The following CPNE4 variants were observed in gnomAD, a reference collection of about 807,000 sequenced individuals.
The protein encoded by CPNE4 is copine-4.
A neutral mutation model predicts 67.9 loss-of-function variants in CPNE4; 25 were observed. The observed-to-expected ratio is 0.37, with a 90% CI of 0.27 to 0.51. The LOEUF (loss-of-function observed/expected upper bound fraction) is 0.51, where lower values mean the gene tolerates loss of function less well. CPNE4 is among the 20% of genes least tolerant of loss of function. The probability of loss-of-function intolerance (pLI) is 0.93; values close to 1 mark genes in which losing one functional copy is unlikely to be tolerated. For synonymous variants in CPNE4, 242 were observed against 244.9 expected (o/e 0.99, Z 0.11); for missense variants, 464 against 690.8 (o/e 0.67, Z 3.68).
chr3:131,865,843 A>G (rs903408894), intron 2 of CPNE4, among the ~76,000 whole-genome samples: 1 of 152,228 alleles, frequency 6.6e-6, no homozygotes, highest in African/African-American at 2.4e-5. Flanking sequence ...TGGGAAGAAT[A>G]GAAATCAGGA....
At chr3:132,023,630 A>G (rs1407298249) in intron 1 of CPNE4, among the ~76,000 whole-genome samples, 1 of 150,914 alleles carries the variant, frequency 6.6e-6, no homozygotes. Flanking sequence ...TGGGACCACA[A>G]GCACCCGCCA....
At chr3:131,810,546 G>A (rs1395917739) in intron 2 of CPNE4, among the ~76,000 whole-genome samples, 2 of 152,068 alleles carry the variant, frequency 1.3e-5, no homozygotes, top group African/African-American at 4.8e-5. Flanking sequence ...AAGTGTTAGT[G>A]AGGATTTGGC....
chr3:132,010,731 A>C (rs1287648654), intron 1 of CPNE4, among the ~76,000 whole-genome samples: 2 of 152,182 alleles, frequency 1.3e-5, no homozygotes, highest in Non-Finnish European at 2.9e-5. Context: ...AAGCTGAGCA[A>C]AATCAGGCCA....
intron 5 of CPNE4, among the ~76,000 whole-genome samples, chr3:131,691,429 AG>A (rs1241361837): frequency 2.0e-5 from 3 of 152,190 alleles, no homozygotes; most frequent in African/African-American, 7.2e-5. Context: ...CATGATCCTA[AG>A]GGACTTAGCA....
At chr3:131,871,336 A>G (rs1425418022) in intron 2 of CPNE4, among the ~76,000 whole-genome samples, 3 of 152,126 alleles carry the variant, frequency 2.0e-5, no homozygotes, top group African/African-American at 7.2e-5. Flanking sequence ...GAGTTGCTGG[A>G]AATTGAAATA....
chr3:131,969,777 T>C (rs895744693), intron 1 of CPNE4, among the ~76,000 whole-genome samples: 2 of 152,190 alleles, frequency 1.3e-5, no homozygotes, highest in African/African-American at 4.8e-5. Flanking sequence ...ATATGCTTGG[T>C]GAGCATCATG....
intron 1 of CPNE4, among the ~76,000 whole-genome samples, chr3:131,963,731 C>T (rs1408496713): frequency 6.6e-6 from 1 of 152,184 alleles, no homozygotes; most frequent in Non-Finnish European, 1.5e-5. Flanking sequence ...GGCAGCAGCT[C>T]CAGTCACGGG....
At chr3:131,617,568 A>T (rs936953597) in intron 7 of CPNE4, among the ~76,000 whole-genome samples, 1 of 152,126 alleles carries the variant, frequency 6.6e-6, no homozygotes, top group Non-Finnish European at 1.5e-5. Context: ...TGTAGACTAA[A>T]ATTTTCAATA....
chr3:131,746,042 ATCTTCCATT>A (rs1463951250), intron 2 of CPNE4, among the ~76,000 whole-genome samples: 3 of 151,966 alleles, frequency 2.0e-5, no homozygotes, highest in South Asian at 2.1e-4. Flanking sequence ...ATTTACTTAG[ATCTTCCATT>A]TCTTTCATTC....
intron 7 of CPNE4, among the ~76,000 whole-genome samples, chr3:131,647,105 A>G (rs374289877): frequency 1.1e-4 from 16 of 152,336 alleles, no homozygotes; most frequent in Admixed American, 2.6e-4. Flanking sequence ...CACTGTCAAG[A>G]TACTGCTTTG....
At chr3:131,542,120 C>G (rs1443206251) in intron 15 of CPNE4, among the ~76,000 whole-genome samples, 1 of 152,140 alleles carries the variant, frequency 6.6e-6, no homozygotes, top group Non-Finnish European at 1.5e-5. Context: ...TTCTGCCAGG[C>G]CACATAGCTT....
At chr3:131,861,875 AC>A (rs1290089365) in intron 2 of CPNE4, among the ~76,000 whole-genome samples, 1 of 152,230 alleles carries the variant, frequency 6.6e-6, no homozygotes, top group African/African-American at 2.4e-5. Flanking sequence ...CAGAAAATGC[AC>A]AAAAGATAAA....
At position 131,779,474 on chromosome 3, in the gene CPNE4, GA is replaced by G. The variant is rs891859408; in HGVS notation, c.181-55850del. On this transcript the variant is annotated intron_variant, in intron 2 of 15. Coordinates refer to ENST00000429747, the MANE Select transcript of CPNE4 (RefSeq NM_130808.3). Reference sequence around the variant, plus strand: ...TAACTAAAATGGCATGGTACTCGTAGAAAAAAAAGACACATAGACCAATAGA... The same window carrying G: ...TAACTAAAATGGCATGGTACTCGTAGAAAAAAAGACACATAGACCAATAGA... Among the ~76,000 whole-genome samples the G allele has an allele frequency of 4.6e-5, 7 of 151,598 alleles. No individual in the cohort carries two copies. In the South Asian group the frequency reaches 8.3e-4, roughly 18 times the overall value.
chr3:131,812,727 G>A (rs904887320), intron 2 of CPNE4, among the ~76,000 whole-genome samples: 1 of 152,196 alleles, frequency 6.6e-6, no homozygotes, highest in Non-Finnish European at 1.5e-5. Context: ...CAGCTGAGAG[G>A]CCAGTGAAGG....
intron 2 of CPNE4, among the ~76,000 whole-genome samples, chr3:131,845,681 T>C (rs2085967962): frequency 6.6e-6 from 1 of 152,178 alleles, no homozygotes; most frequent in South Asian, 2.1e-4. Flanking sequence ...CAATAAGCAC[T>C]TAATAAACAT....
At chr3:131,562,092 TATG>T (rs1936803731) in intron 11 of CPNE4, among the ~76,000 whole-genome samples, 1 of 152,054 alleles carries the variant, frequency 6.6e-6, no homozygotes. Context: ...AACAATCACT[TATG>T]ATGATTCTTC....
intron 6 of CPNE4, among the ~76,000 whole-genome samples, chr3:131,679,819 C>T (rs1049571673): frequency 2.6e-5 from 4 of 152,202 alleles, no homozygotes; most frequent in East Asian, 1.9e-4. Context: ...AGTGCTTTCT[C>T]ATTTGCTGAC....
Position 131,609,166 on chromosome 3 carries a change from C to T in CPNE4, c.682-21584G>A, listed in dbSNP as rs563670458. Among the ~76,000 whole-genome samples, 6 of 152,238 alleles carry T rather than the reference C, an allele frequency of 3.9e-5. No individual in the cohort carries two copies. In the East Asian group the frequency reaches 5.8e-4, roughly 15 times the overall value. On this transcript the variant is annotated intron_variant, in intron 7 of 15. Transcript: ENST00000429747. Reference sequence around the variant, plus strand: ...ATTAATGTATATTTACCCCCAAAACCGTAAGCTAGCTCCATGGGGCTGCAA... The same window carrying T: ...ATTAATGTATATTTACCCCCAAAACTGTAAGCTAGCTCCATGGGGCTGCAA...
At chr3:131,601,217 A>T (rs1403517055) in intron 7 of CPNE4, among the ~76,000 whole-genome samples, 1 of 152,142 alleles carries the variant, frequency 6.6e-6, no homozygotes, top group Non-Finnish European at 1.5e-5. Context: ...CTATGGTGGG[A>T]ATTACTTTTT....
Sources: allele counts gnomAD v4.1 joint callset (sites outside exome capture counted in the v4.1 genomes callset), GRCh38; gene constraint gnomAD v4.1.1; transcripts MANE v1.5; gene names NCBI Gene and HGNC (gene_info 2026-07-23, HGNC 2026-07-21).